The following FBXL4 variants were observed in gnomAD, a reference collection of about 807,000 sequenced individuals.
FBXL4 encodes the protein F-box/LRR-repeat protein 4.
A neutral mutation model predicts 58.9 loss-of-function variants in FBXL4; 40 were observed. That is an observed-to-expected ratio of 0.68 (90% CI 0.53 to 0.88). FBXL4 has a LOEUF of 0.88. Among genes scored for constraint, FBXL4 ranks in the 40% least tolerant of loss-of-function variants. FBXL4 has a pLI of 0.00. For missense variants in FBXL4, 676 were observed against 734.4 expected (o/e 0.92, Z 0.92); for synonymous variants, 263 against 265.5 (o/e 0.99, Z 0.09).
chr6:98,936,628 A>G (rs1034054408), intron 1 of FBXL4, among the ~76,000 whole-genome samples: 1 of 152,138 alleles, frequency 6.6e-6, no homozygotes, highest in Non-Finnish European at 1.5e-5. Context: ...GATTTTCTTA[A>G]TATTTTCTTT....
At chr6:98,914,442 CAGCAGCA>C (rs1361547795) in intron 5 of FBXL4, among the ~76,000 whole-genome samples, 3 of 152,186 alleles carry the variant, frequency 2.0e-5, no homozygotes, top group Non-Finnish European at 2.9e-5. Flanking sequence ...AAACCGAATC[CAGCAGCA>C]CATCAAAAAG....
intron 2 of FBXL4, among the ~76,000 whole-genome samples, chr6:98,929,036 T>G (rs1772900234): frequency 6.6e-6 from 1 of 152,186 alleles, no homozygotes; most frequent in Admixed American, 6.5e-5. Context: ...TAGCCAAAGA[T>G]CTTTATTTCT....
At chr6:98,894,221 G>A (rs899148072) in intron 7 of FBXL4, among the ~76,000 whole-genome samples, 1 of 152,154 alleles carries the variant, frequency 6.6e-6, no homozygotes, top group African/African-American at 2.4e-5. Flanking sequence ...ATCATGTATG[G>A]TTAAAGAAGT....
At chr6:98,927,302 T>C (rs1313619244) in intron 3 of FBXL4, among the ~76,000 whole-genome samples, 1 of 152,166 alleles carries the variant, frequency 6.6e-6, no homozygotes, top group Non-Finnish European at 1.5e-5. Context: ...AATTGGAAGA[T>C]ATACAATCCA....
At chr6:98,910,707 C>T (rs1772011562) in intron 5 of FBXL4, among the ~76,000 whole-genome samples, 1 of 151,650 alleles carries the variant, frequency 6.6e-6, no homozygotes, top group African/African-American at 2.4e-5. Flanking sequence ...GCCAAGATGG[C>T]CGAATAGGAA....
At chr6:98,947,579 G>A (rs917602514) in intron 1 of FBXL4, among the ~76,000 whole-genome samples, 1 of 152,206 alleles carries the variant, frequency 6.6e-6, no homozygotes, top group African/African-American at 2.4e-5. Context: ...GAAAGAGCCC[G>A]AGGCACGTCA....
At chr6:98,941,353 T>C (rs1773425198) in intron 1 of FBXL4, among the ~76,000 whole-genome samples, 1 of 151,440 alleles carries the variant, frequency 6.6e-6, no homozygotes, top group African/African-American at 2.4e-5. Flanking sequence ...TGTGATACTT[T>C]GGAAAAGGCA....
chr6:98,897,443 T>G, intron 7 of FBXL4: 2 of 698,244 alleles, frequency 2.9e-6, no homozygotes, highest in Non-Finnish European at 3.5e-6. Context: ...TCACCTAGAT[T>G]ACCAAGCTTA....
rs1395738465 is a variant in FBXL4 at position 98,873,788 on chromosome 6, A to G, written c.*490T>C. The stretch of plus-strand genomic sequence containing the variant: ...AATTTTCCAGTTGAACAGTTAATCC[A>G]GAGAAATAACCAAACAGCTGGAAAA... On this transcript the variant is annotated 3_prime_UTR_variant, in exon 10 of 10. Coordinates refer to ENST00000369244, the MANE Select transcript of FBXL4 (RefSeq NM_001278716.2). 1 of 152,486 alleles carries G rather than the reference A, an allele frequency of 6.6e-6. No individual in the cohort carries two copies. The highest frequency in any genetic ancestry group is 2.4e-5 in the African/African-American group (1 of 41,466). 9.4% of individuals were successfully genotyped at this position (152,486 alleles called of 1,614,324 possible).
At chr6:98,946,935 A>G (rs1384007199) in intron 1 of FBXL4, among the ~76,000 whole-genome samples, 3 of 152,178 alleles carry the variant, frequency 2.0e-5, no homozygotes, top group Non-Finnish European at 4.4e-5. Flanking sequence ...AAAGAAAAAA[A>G]TATATACCTA....
intron 7 of FBXL4, among the ~76,000 whole-genome samples, chr6:98,893,931 G>A (rs1771322674): frequency 6.6e-6 from 1 of 152,108 alleles, no homozygotes; most frequent in Non-Finnish European, 1.5e-5. Context: ...AGGCTGGAGT[G>A]CAGTGGCACA....
At chr6:98,914,746 T>C (rs1414609655) in intron 5 of FBXL4, among the ~76,000 whole-genome samples, 1 of 152,202 alleles carries the variant, frequency 6.6e-6, no homozygotes, top group Non-Finnish European at 1.5e-5. Context: ...GCATTCCCTT[T>C]GAAAACTGGC....
chr6:98,892,351 C>T (rs1352923326), intron 7 of FBXL4, among the ~76,000 whole-genome samples: 2 of 152,154 alleles, frequency 1.3e-5, no homozygotes, highest in African/African-American at 2.4e-5. Context: ...TTCTCACCCT[C>T]GTCTTAGTTA....
intron 7 of FBXL4, among the ~76,000 whole-genome samples, chr6:98,887,109 A>T (rs964811139): frequency 1.6e-4 from 24 of 151,974 alleles, no homozygotes; most frequent in African/African-American, 5.6e-4. Flanking sequence ...AAATAAAAAT[A>T]AAAAAAATTA....
In FBXL4 at chr6:98,919,650, A is replaced by T. The variant is rs980264670; in HGVS notation, c.513-1931T>A. Among the ~76,000 whole-genome samples, 30 of 152,194 alleles carry T rather than the reference A, an allele frequency of 2.0e-4. 1 individual carries two copies. Among genetic ancestry groups the T allele is most frequent in the Non-Finnish European group, 4.4e-4 (30 of 68,026 alleles). ...CTGCTAAAATCAAGGGTTCCTAACG[A>T]AGGAATTGATTTGAATACTCTAATG... On this transcript the variant is annotated intron_variant, in intron 4 of 9. Coordinates refer to ENST00000369244, the MANE Select transcript of FBXL4 (RefSeq NM_001278716.2).
rs571527536 is a variant in FBXL4 at position 98,933,609 on chromosome 6, TTA to T, written c.-191+1151_-191+1152del. Among the ~76,000 whole-genome samples, 7 of 152,324 alleles carry T rather than the reference TTA, an allele frequency of 4.6e-5. No individual in the cohort carries two copies. The South Asian group carries it at 1.5e-3, about 32-fold the overall frequency. On this transcript the variant is annotated intron_variant, in intron 2 of 9. Coordinates refer to ENST00000369244, the MANE Select transcript of FBXL4 (RefSeq NM_001278716.2). ...TCTACCATGCACCTTTCCTCTGCTC[TTA>T]TATGTTCGTATTATTTGCTATTTCT...
chr6:98,898,524 G>T, intron 7 of FBXL4: 4 of 902,164 alleles, frequency 4.4e-6, no homozygotes, highest in Non-Finnish European at 5.3e-6. Context: ...AGAATCGCTT[G>T]AACTGGTCAG....
chr6:98,928,230 T>C (rs1772866317), intron 2 of FBXL4, among the ~76,000 whole-genome samples: 2 of 152,174 alleles, frequency 1.3e-5, no homozygotes, highest in Non-Finnish European at 2.9e-5. Context: ...CCTCATTGAG[T>C]AGGTAAACTT....
intron 7 of FBXL4, among the ~76,000 whole-genome samples, chr6:98,882,270 GT>G (rs1770881115): frequency 6.6e-6 from 1 of 151,814 alleles, no homozygotes; most frequent in Admixed American, 6.6e-5. Context: ...CTACATTGTT[GT>G]ATGGCTCCAT....
Sources: gnomAD v4.1 joint callset for allele counts (sites outside exome capture counted in the v4.1 genomes callset) on GRCh38, gnomAD v4.1.1 for gene constraint, MANE v1.5 for transcripts, NCBI Gene and HGNC (gene_info 2026-07-23, HGNC 2026-07-21) for gene names.